SEC24D: variants seen among roughly 807,000 people sequenced by gnomAD.
SEC24D encodes the protein protein transport protein Sec24D.
SEC24D carries 69 observed loss-of-function variants against 116.9 expected under a neutral mutation model. The observed-to-expected ratio is 0.59, with a 90% CI of 0.49 to 0.72. SEC24D has a LOEUF of 0.72. Among genes scored for constraint, SEC24D ranks in the 30% least tolerant of loss-of-function variants. The pLI, the probability that SEC24D is intolerant of heterozygous loss-of-function variation, is 0.00. For synonymous variants in SEC24D, 405 were observed against 442.8 expected (o/e 0.91, Z 1.07); for missense variants, 1,131 against 1,264.1 (o/e 0.89, Z 1.60).
At chr4:118,751,272 G>A (rs760319823) in intron 13 of SEC24D, among the ~76,000 whole-genome samples, 14 of 144,214 alleles carry the variant, frequency 9.7e-5, no homozygotes, top group South Asian at 2.3e-4. Context: ...TCTGCCTCCC[G>A]GGTTCAAACG....
intron 6 of SEC24D, among the ~76,000 whole-genome samples, chr4:118,814,685 A>G (rs530521536): frequency 4.7e-4 from 72 of 152,310 alleles, no homozygotes; most frequent in African/African-American, 1.7e-3. Flanking sequence ...CTAAAATAGC[A>G]TATTTCTATA....
intron 7 of SEC24D, among the ~76,000 whole-genome samples, chr4:118,803,184 T>C (rs1323450785): frequency 6.6e-6 from 1 of 152,166 alleles, no homozygotes; most frequent in Non-Finnish European, 1.5e-5. Flanking sequence ...TAAGAATGAT[T>C]TGGTTGCACA....
chr4:118,777,506 A>G (rs1290378356), intron 8 of SEC24D, among the ~76,000 whole-genome samples: 1 of 152,216 alleles, frequency 6.6e-6, no homozygotes, highest in Non-Finnish European at 1.5e-5. Context: ...AATCCAGTCT[A>G]TCATGGATGG....
At chr4:118,763,656 C>T (rs920783602) in intron 10 of SEC24D, among the ~76,000 whole-genome samples, 9 of 152,132 alleles carry the variant, frequency 5.9e-5, no homozygotes, top group Admixed American at 4.6e-4. Context: ...GCAAGGTATC[C>T]ATAATGATGT....
chr4:118,753,641 A>C, intron 11 of SEC24D, among the ~76,000 whole-genome samples: 1 of 152,014 alleles, frequency 6.6e-6, no homozygotes, highest in East Asian at 1.9e-4. Context: ...TTCTCGTTCC[A>C]GTCTATAGTC....
intron 8 of SEC24D, among the ~76,000 whole-genome samples, chr4:118,773,361 T>C (rs1205954693): frequency 6.6e-6 from 1 of 152,228 alleles, no homozygotes; most frequent in Non-Finnish European, 1.5e-5. Context: ...CAAAATGTTA[T>C]ACAGTTTTCT....
intron 11 of SEC24D, among the ~76,000 whole-genome samples, chr4:118,756,405 AT>A (rs1727096530): frequency 6.6e-6 from 1 of 152,108 alleles, no homozygotes; most frequent in African/African-American, 2.4e-5. Flanking sequence ...TTTTTTAAAC[AT>A]CCCCACTGCT....
intron 3 of SEC24D, among the ~76,000 whole-genome samples, chr4:118,819,313 C>T (rs1169691345): frequency 2.0e-5 from 3 of 151,894 alleles, no homozygotes; most frequent in African/African-American, 4.8e-5. Flanking sequence ...GGGCGGATCA[C>T]GAGGTCAGGA....
intron 3 of SEC24D, among the ~76,000 whole-genome samples, chr4:118,822,547 AT>A (rs1365813552): frequency 2.0e-5 from 3 of 152,142 alleles, no homozygotes; most frequent in East Asian, 3.9e-4. Context: ...TTTAAAAAAA[AT>A]ATCTGAGATG....
At chr4:118,751,849 T>A in intron 13 of SEC24D, 147 bp downstream of exon 13, 1 of 641,858 alleles carries the variant, frequency 1.6e-6, no homozygotes, top group African/African-American at 1.8e-5. Context: ...CATTTCCTCC[T>A]GAGATCTGAG....
At chr4:118,759,001 C>T (rs545476266) in intron 10 of SEC24D, among the ~76,000 whole-genome samples, 1 of 152,276 alleles carries the variant, frequency 6.6e-6, no homozygotes, top group African/African-American at 2.4e-5. Flanking sequence ...ATGAAAATAA[C>T]AACCTTTCCA....
chr4:118,733,199 GGTGT>G (rs1376284072), intron 19 of SEC24D: 1 of 230,050 alleles, frequency 4.3e-6, no homozygotes, highest in Non-Finnish European at 8.4e-6. Flanking sequence ...TCTTTTAGCA[GGTGT>G]GTGACCCTGG....
Position 118,734,682 on chromosome 4 carries a change from G to A in SEC24D, c.2497-1770C>T, listed in dbSNP as rs117059214. On this transcript the variant is annotated intron_variant, in intron 19 of 22. Transcript: ENST00000280551. Reference sequence around the variant, plus strand: ...ATGTGGGGAACAGAACTTTCTAACCGTCTCAGGCAAACGTATTTCAGAATG... The same window carrying A: ...ATGTGGGGAACAGAACTTTCTAACCATCTCAGGCAAACGTATTTCAGAATG... Among the ~76,000 whole-genome samples, 38 of 152,262 alleles carry A rather than the reference G, an allele frequency of 2.5e-4. No individual in the cohort carries two copies. The East Asian group carries it at 6.2e-3, about 25-fold the overall frequency.
In SEC24D at chr4:118,815,467, T is replaced by G; in HGVS notation, c.657A>C (p.Gly219=). The change falls in exon 5 of 23, where the codon GGA becomes GGC. Residue 219 remains glycine, a synonymous_variant. Transcript: ENST00000280551. The part of the protein sequence containing the change: ...PPLPGQTLGA[G]YPPQQANSGP... ...CCGCCTTACCCTGCTGCGGAGGATA[T>G]CCAGCACCCAAGGTCTGGCCTGGAA... is the stretch of plus-strand genomic sequence containing the variant. 6.2e-7 allele frequency: 1 copy of G among 1,614,108 alleles called. No homozygotes were observed. Among genetic ancestry groups the G allele is most frequent in the Non-Finnish European group, 8.5e-7 (1 of 1,179,986 alleles).
intron 8 of SEC24D, chr4:118,769,929 T>C (rs934594013): frequency 6.6e-6 from 1 of 152,080 alleles, no homozygotes; most frequent in African/African-American, 2.4e-5. Flanking sequence ...AGTTGGAAAA[T>C]TTTTATCCAG....
chr4:118,787,619 C>G (rs1219610815), intron 8 of SEC24D, among the ~76,000 whole-genome samples: 1 of 152,038 alleles, frequency 6.6e-6, no homozygotes. Context: ...TGAGACCAGC[C>G]TAGGCAATAT....
chr4:118,729,254 G>A (rs1725562008), intron 21 of SEC24D: 1 of 151,878 alleles, frequency 6.6e-6, no homozygotes, highest in Admixed American at 6.6e-5. Context: ...CCCAGCTGGT[G>A]TTATAAGTAA....
chr4:118,743,395 C>T lies in SEC24D; in HGVS notation c.1995+593G>A, dbSNP rs1726335993. On this transcript the variant is annotated intron_variant, in intron 15 of 22. Transcript: ENST00000280551. Reference sequence around the variant, plus strand: ...CACACACACAGTTGTCTCTCGTTATCTGTGAGGGATTTGATCCAGAACCTC... The same window carrying T: ...CACACACACAGTTGTCTCTCGTTATTTGTGAGGGATTTGATCCAGAACCTC... Among the ~76,000 whole-genome samples, 3 of 151,726 alleles carry T rather than the reference C, an allele frequency of 2.0e-5. No homozygotes were observed. In the South Asian group the frequency reaches 6.2e-4, roughly 32 times the overall value.
At chr4:118,755,202 C>A (rs1018063885) in intron 11 of SEC24D, among the ~76,000 whole-genome samples, 1 of 151,950 alleles carries the variant, frequency 6.6e-6, no homozygotes, top group Non-Finnish European at 1.5e-5. Context: ...TAAATCATAT[C>A]CAGAAGAAAA....
Sources: gnomAD v4.1 joint callset for allele counts (sites outside exome capture counted in the v4.1 genomes callset) on GRCh38, gnomAD v4.1.1 for gene constraint, MANE v1.5 for transcripts, NCBI Gene and HGNC (gene_info 2026-07-23, HGNC 2026-07-21) for gene names.